The following CRB1 variants were observed in gnomAD, a reference collection of about 807,000 sequenced individuals.
CRB1 encodes the protein protein crumbs homolog 1.
CRB1 carries 83 observed loss-of-function variants against 120.0 expected under a neutral mutation model. That is an observed-to-expected ratio of 0.69 (90% CI 0.58 to 0.83). CRB1 has a LOEUF of 0.83. CRB1 is among the 40% of genes least tolerant of loss of function. The probability of loss-of-function intolerance (pLI) is 0.00; values close to 1 mark genes in which losing one functional copy is unlikely to be tolerated. For synonymous variants in CRB1, 625 were observed against 612.5 expected, an observed-to-expected ratio of 1.02 and a Z score of -0.30; for missense variants, 1,699 against 1,687.6, an observed-to-expected ratio of 1.01 and a Z score of -0.12.
chr1:197,256,932 C>CGTGTGTGT, the CRB1 span, among the ~76,000 whole-genome samples: 2,559 of 141,468 alleles, frequency 0.018, 93 homozygotes, highest in African/African-American at 0.062. Context: ...ATAGGATTTG[C>CGTGTGTGT]GTGTGTGTGT....
intron 2 of CRB1, 127 bp downstream of exon 2, chr1:197,329,130 TC>T: frequency 2.4e-6 from 2 of 835,770 alleles, no homozygotes; most frequent in Non-Finnish European, 3.9e-6. Context: ...CAGGAATCAA[TC>T]ACTAGATAGA....
At chr1:197,296,094 A>G (rs1656500916) in intron 1 of CRB1, among the ~76,000 whole-genome samples, 1 of 152,070 alleles carries the variant, frequency 6.6e-6, no homozygotes, top group Non-Finnish European at 1.5e-5. Context: ...CTAAACTACA[A>G]AATACAAATT....
chr1:197,425,688 C>T (rs1321204758), intron 6 of CRB1, among the ~76,000 whole-genome samples: 1 of 152,134 alleles, frequency 6.6e-6, no homozygotes, highest in Non-Finnish European at 1.5e-5. Context: ...TATTTTCTCA[C>T]TAGGCTTATG....
chr1:197,315,153 T>C (rs1254485219), intron 1 of CRB1, among the ~76,000 whole-genome samples: 1 of 152,210 alleles, frequency 6.6e-6, no homozygotes, highest in Non-Finnish European at 1.5e-5. Flanking sequence ...GCACTAACAG[T>C]GCTCAGTTCC....
intron 6 of CRB1, among the ~76,000 whole-genome samples, chr1:197,422,232 G>C (rs977430179): frequency 6.6e-6 from 1 of 151,830 alleles, no homozygotes. Context: ...CTTTGTGTTT[G>C]CAAAATGCTA....
At chr1:197,260,481 C>G in the CRB1 span, among the ~76,000 whole-genome samples, 5 of 150,550 alleles carry the variant, frequency 3.3e-5, 1 homozygote, top group South Asian at 1.1e-3. Flanking sequence ...GGAATAAAAC[C>G]CAATGGGAAC....
intron 5 of CRB1, among the ~76,000 whole-genome samples, chr1:197,400,566 T>C (rs1380256118): frequency 2.0e-5 from 3 of 152,048 alleles, no homozygotes; most frequent in Non-Finnish European, 2.9e-5. Flanking sequence ...CTCTTTTGTA[T>C]CTCTGGAACT....
At chr1:197,406,997 A>G (rs933049218) in intron 5 of CRB1, among the ~76,000 whole-genome samples, 2 of 152,206 alleles carry the variant, frequency 1.3e-5, no homozygotes, top group African/African-American at 4.8e-5. Flanking sequence ...TTGCTGGGAC[A>G]TTTGACCTCC....
intron 1 of CRB1, among the ~76,000 whole-genome samples, chr1:197,271,231 A>C (rs1654890138): frequency 6.6e-6 from 1 of 152,144 alleles, no homozygotes; most frequent in South Asian, 2.1e-4. Context: ...AAGAAATTTC[A>C]GTTATTAATA....
At chr1:197,450,106 T>C (rs1275707884) in intron 11 of CRB1, among the ~76,000 whole-genome samples, 5 of 152,228 alleles carry the variant, frequency 3.3e-5, no homozygotes, top group Non-Finnish European at 7.3e-5. Flanking sequence ...CTTTTGGTTA[T>C]TATCTGAGTG....
chr1:197,370,164 C>G (rs370193544), intron 5 of CRB1, among the ~76,000 whole-genome samples: 1 of 152,022 alleles, frequency 6.6e-6, no homozygotes, highest in South Asian at 2.1e-4. Flanking sequence ...AATCTTGAAA[C>G]AGAACTTCAA....
intron 11 of CRB1, among the ~76,000 whole-genome samples, chr1:197,460,630 G>T (rs1666488284): frequency 2.0e-5 from 3 of 152,000 alleles, no homozygotes; most frequent in African/African-American, 4.8e-5. Context: ...TGAAACGAAG[G>T]CCCAAAGAAG....
chr1:197,361,359 A>T (rs912088686), intron 5 of CRB1, among the ~76,000 whole-genome samples: 1 of 152,136 alleles, frequency 6.6e-6, no homozygotes. Context: ...ATATTCAGGG[A>T]AATCAGCTGA....
chr1:197,224,940 A>G, the CRB1 span, among the ~76,000 whole-genome samples: 1 of 152,144 alleles, frequency 6.6e-6, no homozygotes, highest in Non-Finnish European at 1.5e-5. Context: ...AGGCTATTAG[A>G]TAATATGTGC....
At chr1:197,442,952 C>T (rs1665526744) in intron 11 of CRB1, 1 of 155,050 alleles carries the variant, frequency 6.4e-6, no homozygotes, top group Admixed American at 6.4e-5. Flanking sequence ...TGGTGAAAAC[C>T]TGTCTCTACT....
At chr1:197,428,845 G>C (rs1664728729) in intron 7 of CRB1, 2 of 904,886 alleles carry the variant, frequency 2.2e-6, no homozygotes, top group African/African-American at 3.3e-5. Flanking sequence ...TAAATCATAT[G>C]TTAATAGTAG....
chr1:197,394,120 C>T (rs968383433), intron 5 of CRB1, among the ~76,000 whole-genome samples: 5 of 151,988 alleles, frequency 3.3e-5, no homozygotes, highest in Admixed American at 6.6e-5. Context: ...TGCAGATTTT[C>T]TTTTGCCTGT....
chr1:197,332,255 A>G (rs990064933), intron 2 of CRB1, among the ~76,000 whole-genome samples: 2 of 152,210 alleles, frequency 1.3e-5, no homozygotes, highest in African/African-American at 4.8e-5. Context: ...CAATGAATTC[A>G]TTTATACTGT....
intron 4 of CRB1, among the ~76,000 whole-genome samples, chr1:197,355,580 G>C (rs1660426499): frequency 6.6e-6 from 1 of 152,200 alleles, no homozygotes; most frequent in Non-Finnish European, 1.5e-5. Context: ...TTCCAGAGCA[G>C]CACTGGTGTG....
Sources: gnomAD v4.1 joint callset for allele counts (sites outside exome capture counted in the v4.1 genomes callset) on GRCh38, gnomAD v4.1.1 for gene constraint, MANE v1.5 for transcripts, NCBI Gene and HGNC (gene_info 2026-07-23, HGNC 2026-07-21) for gene names.